The following ME1 variants were observed in gnomAD, a reference collection of about 807,000 sequenced individuals.
ME1 encodes the protein NADP-dependent malic enzyme.
A neutral mutation model predicts 66.4 loss-of-function variants in ME1; 74 were observed. The observed-to-expected ratio is 1.11, with a 90% CI of 0.92 to 1.35. The LOEUF is 1.35. ME1 is among the 40% of genes most tolerant of loss of function. The pLI, the probability that ME1 is intolerant of heterozygous loss-of-function variation, is 0.00. For synonymous variants in ME1, 251 were observed against 235.6 expected (o/e 1.07, Z -0.60); for missense variants, 750 against 694.1 (o/e 1.08, Z -0.90).
intron 13 of ME1, among the ~76,000 whole-genome samples, chr6:83,214,582 A>G (rs1268356664): frequency 6.6e-6 from 1 of 152,128 alleles, no homozygotes; most frequent in Non-Finnish European, 1.5e-5. Flanking sequence ...CTTAACTGGC[A>G]TCTTTCTTCT....
chr6:83,419,534 T>C (rs980932452), intron 1 of ME1, among the ~76,000 whole-genome samples: 1 of 152,184 alleles, frequency 6.6e-6, no homozygotes, highest in African/African-American at 2.4e-5. Context: ...ACAATATCTC[T>C]AGTATATAAT....
rs548547972 is a variant in ME1, at chr6:83,269,942, C to T, written c.705-16204G>A. ...CTCATTCCAAAATTCTGTATTACTC[C>T]ATAGCAAGAAAAATAACCTCTGTAT... On this transcript the variant is annotated intron_variant, in intron 6 of 13. Coordinates refer to ENST00000369705, the MANE Select transcript of ME1 (RefSeq NM_002395.6). Among the ~76,000 whole-genome samples the T allele has an allele frequency of 3.9e-4, 60 of 152,216 alleles. No homozygotes were observed. The Middle Eastern group carries it at 0.014, about 35-fold the overall frequency.
chr6:83,287,908 T>C (rs900221068), intron 6 of ME1, among the ~76,000 whole-genome samples: 3 of 152,220 alleles, frequency 2.0e-5, no homozygotes, highest in Admixed American at 6.5e-5. Context: ...TGACCAGTTA[T>C]AATGAGCATT....
At chr6:83,224,048 G>A (rs561663181) in intron 11 of ME1, 115 bp from the exon 12 acceptor site, 1 of 938,842 alleles carries the variant, frequency 1.1e-6, no homozygotes, top group African/African-American at 1.7e-5. Flanking sequence ...AAGAAGTCTA[G>A]TTTTTTATTA....
chr6:83,223,539 A>G (rs1790131129), intron 12 of ME1, among the ~76,000 whole-genome samples: 1 of 152,220 alleles, frequency 6.6e-6, no homozygotes, highest in African/African-American at 2.4e-5. Flanking sequence ...CTCTTAAGAA[A>G]TCAAAAACAC....
At chr6:83,346,077 G>T in intron 5 of ME1, 96 bp downstream of exon 5, 3 of 986,706 alleles carry the variant, frequency 3.0e-6, no homozygotes, top group Non-Finnish European at 4.3e-6. Flanking sequence ...AGACAAAAAA[G>T]AATGAATTTT....
At chr6:83,304,574 A>G (rs1372186043) in intron 6 of ME1, among the ~76,000 whole-genome samples, 3 of 152,208 alleles carry the variant, frequency 2.0e-5, no homozygotes, top group Non-Finnish European at 4.4e-5. Flanking sequence ...ACAGAATATG[A>G]TATTATTTTC....
chr6:83,383,534 A>G (rs1769447773), intron 3 of ME1, among the ~76,000 whole-genome samples: 2 of 151,928 alleles, frequency 1.3e-5, no homozygotes, highest in Non-Finnish European at 2.9e-5. Flanking sequence ...AAAGCACTGG[A>G]AAGAATCCTA....
chr6:83,325,059 C>T (rs1404672685), intron 5 of ME1, among the ~76,000 whole-genome samples: 6 of 152,162 alleles, frequency 3.9e-5, no homozygotes, highest in East Asian at 3.9e-4. Context: ...GCTGGTTCAA[C>T]ATATGCGAAT....
chr6:83,256,208 T>C (rs890524963), intron 6 of ME1, among the ~76,000 whole-genome samples: 1 of 152,108 alleles, frequency 6.6e-6, no homozygotes, highest in African/African-American at 2.4e-5. Flanking sequence ...ATAAGGCTGT[T>C]AGCAGGATTA....
At chr6:83,408,671 A>G (rs1769991661) in intron 1 of ME1, among the ~76,000 whole-genome samples, 1 of 152,246 alleles carries the variant, frequency 6.6e-6, no homozygotes, top group Non-Finnish European at 1.5e-5. Context: ...ATTGATGCAT[A>G]AACCATAATG....
intron 6 of ME1, among the ~76,000 whole-genome samples, chr6:83,302,276 G>T (rs1203272432): frequency 6.6e-6 from 1 of 151,900 alleles, no homozygotes; most frequent in Non-Finnish European, 1.5e-5. Context: ...ACAAAGAAGG[G>T]AACAACAGAC....
At chr6:83,344,109 TA>T (rs561027558) in intron 5 of ME1, among the ~76,000 whole-genome samples, 777 of 126,664 alleles carry the variant, frequency 6.1e-3, no homozygotes, top group Middle Eastern at 0.016. Context: ...AGACCCCGTC[TA>T]AAAAAAAAAA....
At chr6:83,397,526 G>C (rs1157083318) in intron 3 of ME1, among the ~76,000 whole-genome samples, 1 of 152,134 alleles carries the variant, frequency 6.6e-6, no homozygotes, top group Non-Finnish European at 1.5e-5. Context: ...TGTTCAGTGG[G>C]AATGTAAACT....
At chr6:83,292,320 G>A (rs778338019) in intron 6 of ME1, among the ~76,000 whole-genome samples, 1 of 152,148 alleles carries the variant, frequency 6.6e-6, no homozygotes, top group Non-Finnish European at 1.5e-5. Context: ...TGTCCTTCTT[G>A]TTGATGTTGA....
intron 3 of ME1, among the ~76,000 whole-genome samples, chr6:83,390,136 T>C (rs2128549650): frequency 6.6e-6 from 1 of 152,252 alleles, no homozygotes; most frequent in Non-Finnish European, 1.5e-5. Context: ...AATGCCATAT[T>C]CAAAATAAAA....
intron 3 of ME1, among the ~76,000 whole-genome samples, chr6:83,366,026 C>G (rs1335769510): frequency 6.6e-6 from 1 of 152,154 alleles, no homozygotes; most frequent in Non-Finnish European, 1.5e-5. Flanking sequence ...CAGTGACCGC[C>G]TAGGGAATCC....
At chr6:83,243,229 G>A (rs1790540234) in intron 7 of ME1, among the ~76,000 whole-genome samples, 3 of 149,572 alleles carry the variant, frequency 2.0e-5, no homozygotes. Flanking sequence ...CTGCTCTGCT[G>A]CACTCCAGTC....
chr6:83,297,190 C>T (rs1314318342), intron 6 of ME1, among the ~76,000 whole-genome samples: 3 of 152,006 alleles, frequency 2.0e-5, no homozygotes, highest in Non-Finnish European at 4.4e-5. Context: ...AAATCAGGAA[C>T]TCAATCCCAT....
Sources: gnomAD v4.1 joint callset for allele counts (sites outside exome capture counted in the v4.1 genomes callset) on GRCh38, gnomAD v4.1.1 for gene constraint, MANE v1.5 for transcripts, NCBI Gene and HGNC (gene_info 2026-07-23, HGNC 2026-07-21) for gene names.